Variants in UGGT1 observed in about 807,000 individuals in gnomAD.
UGGT1 encodes the protein UDP-glucose glycoprotein glucosyltransferase 1, also known as UDP-glucose:glycoprotein glucosyltransferase 1.
Under a neutral mutation model 203.9 loss-of-function variants are expected in UGGT1, and 107 were observed. That is an observed-to-expected ratio of 0.52 (90% CI 0.45 to 0.62). The LOEUF (loss-of-function observed/expected upper bound fraction) is 0.62. UGGT1 is among the 20% of genes least tolerant of loss of function. The pLI is 0.00. For missense variants in UGGT1, 1,673 were observed against 1,867.2 expected, an observed-to-expected ratio of 0.90 and a Z score of 1.92; for synonymous variants, 628 against 653.5, an observed-to-expected ratio of 0.96 and a Z score of 0.59.
chr2:128,184,908 C>T (rs965616149), intron 38 of UGGT1, among the ~76,000 whole-genome samples: 1 of 152,122 alleles, frequency 6.6e-6, no homozygotes, highest in Non-Finnish European at 1.5e-5. Context: ...TCTCAAACTC[C>T]TGACCTCAAG....
intron 5 of UGGT1, among the ~76,000 whole-genome samples, 171 bp downstream of exon 5, chr2:128,109,917 A>G (rs1687771530): frequency 6.6e-6 from 1 of 152,208 alleles, no homozygotes; most frequent in Non-Finnish European, 1.5e-5. Flanking sequence ...CACTTAAAAT[A>G]GTTTTGTGAA....
chr2:128,129,535 A>T (rs376756710), intron 13 of UGGT1, among the ~76,000 whole-genome samples: 2 of 151,976 alleles, frequency 1.3e-5, no homozygotes, highest in African/African-American at 4.8e-5. Flanking sequence ...AGTAGCTGGC[A>T]TTACAGGAGC....
At chr2:128,170,656 G>T (rs979321459) in intron 27 of UGGT1, among the ~76,000 whole-genome samples, 1 of 152,036 alleles carries the variant, frequency 6.6e-6, no homozygotes, top group Non-Finnish European at 1.5e-5. Flanking sequence ...AAACATCCTG[G>T]AATTAAGGTA....
chr2:128,144,071 A>G (rs1475889995), intron 17 of UGGT1, among the ~76,000 whole-genome samples: 1 of 152,212 alleles, frequency 6.6e-6, no homozygotes, highest in Non-Finnish European at 1.5e-5. Flanking sequence ...ATATAGTCTG[A>G]TAGGTATATA....
intron 38 of UGGT1, among the ~76,000 whole-genome samples, chr2:128,186,186 C>T (rs1367317891): frequency 6.6e-6 from 1 of 152,196 alleles, no homozygotes. Context: ...TATGGATCCT[C>T]TAAAATTTGT....
intron 18 of UGGT1, among the ~76,000 whole-genome samples, chr2:128,152,191 T>C (rs1690005276): frequency 6.6e-6 from 1 of 152,084 alleles, no homozygotes; most frequent in Non-Finnish European, 1.5e-5. Flanking sequence ...TTTTTTTTCC[T>C]TGGGACAGAG....
Position 128,115,210 on chromosome 2 carries a change from T to C in UGGT1, c.783T>C (p.Thr261=). 1 of 1,613,650 alleles carries C rather than the reference T, an allele frequency of 6.2e-7. No homozygotes were observed. The highest frequency in any genetic ancestry group is 8.5e-7 in the Non-Finnish European group (1 of 1,179,760). ...KSTEYKAKDD[T]QVKGTEVNTT... ...CTGAGTACAAGGCCAAGGATGATAC[T>C]CAGGTGAAAGGTGAATTTGTAAAAA... Residue 261 remains threonine, a synonymous_variant, in exon 7 of 41, where the codon ACT becomes ACC. Transcript: ENST00000259253.
chr2:128,146,919 TGGTC>T (rs1342999854), intron 18 of UGGT1, among the ~76,000 whole-genome samples: 3 of 152,148 alleles, frequency 2.0e-5, no homozygotes, highest in African/African-American at 7.2e-5. Context: ...ATCATGTGGT[TGGTC>T]TTTCTAGTGT....
chr2:128,160,767 A>G (rs1008751858), intron 24 of UGGT1, among the ~76,000 whole-genome samples, 176 bp downstream of exon 24: 1 of 152,200 alleles, frequency 6.6e-6, no homozygotes, highest in African/African-American at 2.4e-5. Flanking sequence ...GCTTTTTGAC[A>G]TAGACAAATA....
intron 22 of UGGT1, among the ~76,000 whole-genome samples, chr2:128,157,804 AT>A (rs1690314161): frequency 6.6e-6 from 1 of 152,220 alleles, no homozygotes; most frequent in Non-Finnish European, 1.5e-5. Context: ...CTGAAAAGAT[AT>A]GCTGCCATTA....
chr2:128,114,461 G>A (rs943032201), intron 6 of UGGT1, among the ~76,000 whole-genome samples: 46 of 152,188 alleles, frequency 3.0e-4, no homozygotes, highest in African/African-American at 1.1e-3. Flanking sequence ...AAGTTTTATT[G>A]AAGTCCAGTT....
intron 26 of UGGT1, among the ~76,000 whole-genome samples, chr2:128,167,218 G>T (rs1380890626): frequency 6.6e-6 from 1 of 152,162 alleles, no homozygotes. Flanking sequence ...AGCGAGTCCT[G>T]AGCAAAGACC....
At chr2:128,168,024 A>G (rs1417181523) in intron 26 of UGGT1, among the ~76,000 whole-genome samples, 1 of 152,204 alleles carries the variant, frequency 6.6e-6, no homozygotes, top group African/African-American at 2.4e-5. Context: ...GAGCCTTTGT[A>G]TAATGCTATT....
intron 5 of UGGT1, among the ~76,000 whole-genome samples, chr2:128,112,693 T>C (rs1687926725): frequency 6.6e-6 from 1 of 150,384 alleles, no homozygotes. Context: ...GGTGATCCTC[T>C]CACCTTAGCC....
In UGGT1 at chr2:128,169,048, T is replaced by TAAAAAAAAAA. The variant is rs544381740; in HGVS notation, c.2922-1206_2922-1197dup. Among the ~76,000 whole-genome samples the TAAAAAAAAAA allele has an allele frequency of 5.7e-4, 30 of 52,554 alleles. 2 individuals are homozygous for TAAAAAAAAAA. Among genetic ancestry groups the TAAAAAAAAAA allele is most frequent in the East Asian group, 1.8e-3 (3 of 1,680 alleles). 34.5% of individuals were successfully genotyped at this position (52,554 alleles called of 152,430 possible). A position where few individuals can be genotyped will look rare whatever the true frequency, so the allele number is the denominator to read the frequency against. The stretch of plus-strand genomic sequence containing the variant: ...GGGTGAATGAGCGAGACTCTGTCTT[T>TAAAAAAAAAA]AAAAAAAAAAAAAAAAAAAAAAAAA... On this transcript the variant is annotated intron_variant, in intron 26 of 40. Transcript: ENST00000259253.
intron 14 of UGGT1, 26 bp from the exon 15 acceptor site, chr2:128,134,850 T>A (rs776725556): frequency 6.3e-7 from 1 of 1,596,602 alleles, no homozygotes; most frequent in Non-Finnish European, 8.6e-7. Flanking sequence ...TGTCATTTCA[T>A]GTGTTCTTTT....
chr2:128,156,935 A>T (rs1222216149), intron 21 of UGGT1, among the ~76,000 whole-genome samples: 1 of 152,218 alleles, frequency 6.6e-6, no homozygotes, highest in Non-Finnish European at 1.5e-5. Flanking sequence ...AATTAGTATG[A>T]TTAAAAATGA....
intron 39 of UGGT1, 34 bp from the exon 40 acceptor site, chr2:128,187,415 A>C: frequency 6.3e-7 from 1 of 1,595,714 alleles, no homozygotes; most frequent in Non-Finnish European, 8.6e-7. Context: ...GCCTTTCTTC[A>C]ACTCAGCTGA....
intron 3 of UGGT1, 68 bp from the exon 4 acceptor site, chr2:128,107,870 C>A: frequency 6.3e-7 from 1 of 1,598,038 alleles, no homozygotes; most frequent in South Asian, 1.1e-5. Context: ...CTTTGTGCTT[C>A]ATGAACTATC....
Sources: allele counts gnomAD v4.1 joint callset (sites outside exome capture counted in the v4.1 genomes callset), GRCh38; gene constraint gnomAD v4.1.1; transcripts MANE v1.5; gene names NCBI Gene and HGNC (gene_info 2026-07-23, HGNC 2026-07-21).